The following CAMK1D variants were observed in gnomAD, a reference collection of about 807,000 sequenced individuals.
The protein encoded by CAMK1D is calcium/calmodulin dependent protein kinase ID.
Under a neutral mutation model 47.7 loss-of-function variants are expected in CAMK1D, and 9 were observed. The observed-to-expected ratio is 0.19, with a 90% CI of 0.11 to 0.33. The LOEUF is 0.33. CAMK1D is among the 10% of genes least tolerant of loss of function. The pLI, the probability that CAMK1D is intolerant of heterozygous loss-of-function variation, is 1.00. For missense variants in CAMK1D, 291 were observed against 488.7 expected (o/e 0.60, Z 3.81); for synonymous variants, 184 against 184.9 (o/e 0.99, Z 0.04).
intron 2 of CAMK1D, among the ~76,000 whole-genome samples, chr10:12,556,884 G>T (rs1428439717): frequency 6.6e-6 from 1 of 152,178 alleles, no homozygotes; most frequent in African/African-American, 2.4e-5. Flanking sequence ...GGAAGAATCT[G>T]GTGGAGAAAT....
chr10:12,834,137 A>C lies in CAMK1D; in HGVS notation c.*5250A>C, dbSNP rs1357667006. ...GAAGACTCCAAGAAAATGAGTGTGC[A>C]GATGAGTTAGCTTGACAACCTCAAC... On this transcript the variant is annotated 3_prime_UTR_variant, in exon 11 of 11. Transcript: ENST00000619168. 1 of 152,262 alleles carries C rather than the reference A, an allele frequency of 6.6e-6. No individual in the cohort carries two copies. Among genetic ancestry groups the C allele is most frequent in the Non-Finnish European group, 1.5e-5 (1 of 68,052 alleles). The allele number at this position is 152,262 out of a possible 1,614,324, so 9.4% of individuals were successfully genotyped here. A position where few individuals can be genotyped will look rare whatever the true frequency, so the allele number is the denominator to read the frequency against.
chr10:12,423,077 C>T (rs1274032328), intron 1 of CAMK1D, among the ~76,000 whole-genome samples: 5 of 152,008 alleles, frequency 3.3e-5, no homozygotes, highest in Non-Finnish European at 2.9e-5. Flanking sequence ...AGAAAGCACG[C>T]GATGTTTTTA....
At chr10:12,801,069 T>G (rs536710496) in intron 6 of CAMK1D, among the ~76,000 whole-genome samples, 124 of 152,310 alleles carry the variant, frequency 8.1e-4, no homozygotes, top group African/African-American at 2.8e-3. Flanking sequence ...TGATGCTGTG[T>G]GGCTGCCCTC....
At chr10:12,416,392 GT>G (rs1349690462) in intron 1 of CAMK1D, among the ~76,000 whole-genome samples, 7 of 152,164 alleles carry the variant, frequency 4.6e-5, no homozygotes, top group African/African-American at 1.7e-4. Context: ...AACTTTGCTT[GT>G]TTTTCCTGTC....
chr10:12,449,708 A>C (rs943894195), intron 1 of CAMK1D, among the ~76,000 whole-genome samples: 3 of 152,240 alleles, frequency 2.0e-5, no homozygotes, highest in African/African-American at 7.2e-5. Flanking sequence ...TAAAGCTTAA[A>C]AAAAGACACA....
chr10:12,593,276 C>G (rs1838049396), intron 2 of CAMK1D, among the ~76,000 whole-genome samples: 1 of 152,210 alleles, frequency 6.6e-6, no homozygotes, highest in South Asian at 2.1e-4. Flanking sequence ...CAATCTCCCT[C>G]TGGACTGAAG....
At chr10:12,367,877 G>T (rs1046267124) in intron 1 of CAMK1D, among the ~76,000 whole-genome samples, 1 of 152,124 alleles carries the variant, frequency 6.6e-6, no homozygotes, top group African/African-American at 2.4e-5. Context: ...TGGCCTGGGG[G>T]CTGTGGACCC....
At chr10:12,461,687 CAAAAAAAAA>C (rs57291391) in intron 1 of CAMK1D, among the ~76,000 whole-genome samples, 1 of 90,390 alleles carries the variant, frequency 1.1e-5, no homozygotes, top group African/African-American at 4.1e-5. Context: ...GGCTTCATCT[CAAAAAAAAA>C]AAAAAAAAAA....
intron 1 of CAMK1D, among the ~76,000 whole-genome samples, chr10:12,422,405 A>G (rs1840085622): frequency 6.6e-6 from 1 of 152,196 alleles, no homozygotes; most frequent in Non-Finnish European, 1.5e-5. Context: ...GTGATCAGAA[A>G]TGAACTCACT....
At chr10:12,620,418 C>T (rs1057088432) in intron 2 of CAMK1D, among the ~76,000 whole-genome samples, 4 of 152,202 alleles carry the variant, frequency 2.6e-5, no homozygotes, top group Non-Finnish European at 4.4e-5. Context: ...TCTGCATCCT[C>T]GCCAGGATCT....
At chr10:12,611,587 C>CTTTTTTTTTTTTT (rs1838621985) in intron 2 of CAMK1D, among the ~76,000 whole-genome samples, 1 of 29,970 alleles carries the variant, frequency 3.3e-5, no homozygotes, top group Admixed American at 6.1e-4. Flanking sequence ...TTTCAGAATG[C>CTTTTTTTTTTTTT]CTTTTTTTTT....
At chr10:12,719,928 A>G (rs958251092) in intron 3 of CAMK1D, among the ~76,000 whole-genome samples, 1 of 152,228 alleles carries the variant, frequency 6.6e-6, no homozygotes, top group African/African-American at 2.4e-5. Context: ...TTTAGCACAC[A>G]GAAGAATTAC....
chr10:12,561,433 T>A (rs1227376396), intron 2 of CAMK1D, among the ~76,000 whole-genome samples: 1 of 150,432 alleles, frequency 6.6e-6, no homozygotes, highest in Non-Finnish European at 1.5e-5. Flanking sequence ...CCGAGAAGAG[T>A]TGACATTGAC....
chr10:12,534,476 C>T (rs1263145429), intron 1 of CAMK1D, among the ~76,000 whole-genome samples: 6 of 152,218 alleles, frequency 3.9e-5, no homozygotes, highest in African/African-American at 1.4e-4. Context: ...AAGCAATTCT[C>T]CTGTCTCAGC....
chr10:12,529,451 C>T (rs184834680), intron 1 of CAMK1D, among the ~76,000 whole-genome samples: 3 of 152,230 alleles, frequency 2.0e-5, no homozygotes, highest in African/African-American at 4.8e-5. Flanking sequence ...GGGTGCAGAG[C>T]GGCACTAGGA....
At chr10:12,731,774 C>T (rs1564522264) in intron 3 of CAMK1D, among the ~76,000 whole-genome samples, 1 of 152,102 alleles carries the variant, frequency 6.6e-6, no homozygotes, top group Non-Finnish European at 1.5e-5. Flanking sequence ...TTATCGGAAT[C>T]TGGGTGTTAG....
chr10:12,555,166 C>T (rs1836722438), intron 2 of CAMK1D, among the ~76,000 whole-genome samples: 1 of 152,216 alleles, frequency 6.6e-6, no homozygotes, highest in African/African-American at 2.4e-5. Context: ...AGGGCCTCAA[C>T]ACAAAATGTC....
intron 2 of CAMK1D, among the ~76,000 whole-genome samples, chr10:12,557,177 C>G (rs1036593328): frequency 6.6e-6 from 1 of 152,128 alleles, no homozygotes; most frequent in African/African-American, 2.4e-5. Flanking sequence ...TAGAGAGGTC[C>G]AGTTGACTGT....
chr10:12,708,019 C>T (rs1237453857), intron 3 of CAMK1D, among the ~76,000 whole-genome samples: 3 of 152,174 alleles, frequency 2.0e-5, no homozygotes, highest in South Asian at 4.1e-4. Flanking sequence ...TAAGAGTGAC[C>T]GAGGCAGCAT....
Sources: gnomAD v4.1 joint callset for allele counts (sites outside exome capture counted in the v4.1 genomes callset) on GRCh38, gnomAD v4.1.1 for gene constraint, MANE v1.5 for transcripts, NCBI Gene and HGNC (gene_info 2026-07-23, HGNC 2026-07-21) for gene names.